The following SLC12A6 variants were observed in gnomAD, a reference collection of about 807,000 sequenced individuals.
SLC12A6 encodes the protein K-Cl cotransporter 3.
In SLC12A6, 66 loss-of-function variants were observed where a neutral mutation model predicts 135.3. That is an observed-to-expected ratio of 0.49 (90% confidence interval 0.40 to 0.60). SLC12A6 has a LOEUF of 0.60. Ranked by LOEUF, SLC12A6 falls within the 20% of genes least tolerant of loss-of-function variation. The probability of loss-of-function intolerance (pLI) is 0.00; values close to 1 mark genes in which losing one functional copy is unlikely to be tolerated. For synonymous variants in SLC12A6, 513 were observed against 508.8 expected (o/e 1.01, Z -0.11); for missense variants, 1,058 against 1,452.3 (o/e 0.73, Z 4.41).
chr15:34,318,610 C>G (rs759132348), intron 2 of SLC12A6: 1 of 1,613,814 alleles, frequency 6.2e-7, no homozygotes, highest in Non-Finnish European at 8.5e-7. Flanking sequence ...CTAAACTAGG[C>G]TCTTGAGAGA....
chr15:34,285,748 T>C (rs1467194652), intron 2 of SLC12A6, among the ~76,000 whole-genome samples: 8 of 35,624 alleles, frequency 2.2e-4, no homozygotes, highest in African/African-American at 4.2e-4. Context: ...ATTCAACCTT[T>C]AAAAAGGAAG....
At chr15:34,242,724 AACTC>A (rs1891725487) in intron 16 of SLC12A6, among the ~76,000 whole-genome samples, 1 of 152,140 alleles carries the variant, frequency 6.6e-6, no homozygotes. Context: ...ATAACTGCAG[AACTC>A]ACTGAGAAAA....
At position 34,317,074 on chromosome 15, in the gene SLC12A6, A is replaced by G. The variant is rs552730266; in HGVS notation, c.271+19336T>C. Among the ~76,000 whole-genome samples, 21 of 152,370 alleles carry G rather than the reference A, an allele frequency of 1.4e-4. No individual in the cohort carries two copies. In the East Asian group the frequency reaches 4.0e-3, roughly 29 times the overall value. ...ACACACAGGCCTGAGACAGAACCTA[A>G]TTGAGCTGAAGTTGAGTTGTAGAGA... On this transcript the variant is annotated intron_variant, in intron 2 of 25. Coordinates refer to ENST00000354181, the MANE Select transcript of SLC12A6 (RefSeq NM_001365088.1).
intron 3 of SLC12A6, among the ~76,000 whole-genome samples, chr15:34,268,751 T>C (rs1408871366): frequency 6.6e-6 from 1 of 152,200 alleles, no homozygotes. Flanking sequence ...TTTAGGATTA[T>C]TCAGAATCCT....
intron 3 of SLC12A6, among the ~76,000 whole-genome samples, chr15:34,270,513 A>T: frequency 6.6e-6 from 1 of 152,192 alleles, no homozygotes; most frequent in Non-Finnish European, 1.5e-5. Context: ...TATAAAGAAA[A>T]GAGGTTTGGC....
chr15:34,253,974 C>T (rs1595437777), intron 9 of SLC12A6, among the ~76,000 whole-genome samples: 1 of 152,166 alleles, frequency 6.6e-6, no homozygotes, highest in African/African-American at 2.4e-5. Context: ...CCCAGCACGT[C>T]GGGAGGCCAA....
intron 2 of SLC12A6, among the ~76,000 whole-genome samples, chr15:34,279,077 G>A (rs1894492881): frequency 6.6e-6 from 1 of 151,874 alleles, no homozygotes; most frequent in South Asian, 2.1e-4. Flanking sequence ...AGCACTTTGG[G>A]AAGCTGAGGC....
chr15:34,257,258 A>G (rs1228529282), intron 6 of SLC12A6, among the ~76,000 whole-genome samples: 1 of 152,200 alleles, frequency 6.6e-6, no homozygotes, highest in Non-Finnish European at 1.5e-5. Context: ...TACCCCTCAC[A>G]TCCGCAATAA....
At chr15:34,258,675 C>G in intron 5 of SLC12A6, 138 bp downstream of exon 5, 1 of 788,552 alleles carries the variant, frequency 1.3e-6, no homozygotes, top group Non-Finnish European at 2.3e-6. Flanking sequence ...TGCTATGACG[C>G]TGGTGCCCAG....
intron 3 of SLC12A6, among the ~76,000 whole-genome samples, chr15:34,275,055 T>C (rs564135960): frequency 7.2e-5 from 11 of 152,338 alleles, no homozygotes; most frequent in African/African-American, 2.6e-4. Context: ...AAAGCTATTA[T>C]AATATCTTCT....
intron 2 of SLC12A6, among the ~76,000 whole-genome samples, chr15:34,300,313 T>G (rs1459331027): frequency 6.6e-6 from 1 of 152,118 alleles, no homozygotes; most frequent in Admixed American, 6.5e-5. Flanking sequence ...AATGGAGGAT[T>G]GAGGTCTTAA....
At chr15:34,292,468 G>A (rs1439632865) in intron 2 of SLC12A6, among the ~76,000 whole-genome samples, 1 of 152,222 alleles carries the variant, frequency 6.6e-6, no homozygotes, top group African/African-American at 2.4e-5. Flanking sequence ...TGAGGAGGCA[G>A]TGTGTCCATT....
chr15:34,270,745 G>A (rs1383614993), intron 3 of SLC12A6, among the ~76,000 whole-genome samples: 1 of 151,658 alleles, frequency 6.6e-6, no homozygotes, highest in Admixed American at 6.6e-5. Flanking sequence ...GGAGGTTGCA[G>A]TAAGCCGAGA....
intron 10 of SLC12A6, among the ~76,000 whole-genome samples, 180 bp downstream of exon 10, chr15:34,251,990 A>G (rs1218252881): frequency 6.6e-6 from 1 of 152,126 alleles, no homozygotes; most frequent in African/African-American, 2.4e-5. Context: ...AGTACTGAAT[A>G]AGGACAGCTT....
At chr15:34,242,409 T>C (rs1009798415) in intron 16 of SLC12A6, among the ~76,000 whole-genome samples, 188 bp from the exon 17 acceptor site, 3 of 152,218 alleles carry the variant, frequency 2.0e-5, no homozygotes, top group African/African-American at 4.8e-5. Flanking sequence ...CTGGATGCTG[T>C]AGCAATGTCA....
chr15:34,324,647 G>C (rs573804508), intron 2 of SLC12A6, among the ~76,000 whole-genome samples: 65 of 152,150 alleles, frequency 4.3e-4, no homozygotes, highest in Admixed American at 1.4e-3. Context: ...TTAGTGAAAA[G>C]ATTGAAACAA....
At chr15:34,277,417 C>G (rs765260542) in intron 2 of SLC12A6, among the ~76,000 whole-genome samples, 1 of 152,094 alleles carries the variant, frequency 6.6e-6, no homozygotes, top group Non-Finnish European at 1.5e-5. Context: ...GCCGGGGTGA[C>G]AGTGAGACCT....
At chr15:34,327,348 G>A (rs1889537850) in intron 2 of SLC12A6, among the ~76,000 whole-genome samples, 1 of 152,222 alleles carries the variant, frequency 6.6e-6, no homozygotes, top group Admixed American at 6.5e-5. Flanking sequence ...TTAGCCAGCT[G>A]TAAAAAAGGC....
At chr15:34,239,244 C>A in intron 19 of SLC12A6, 84 bp from the exon 20 acceptor site, 1 of 1,018,922 alleles carries the variant, frequency 9.8e-7, no homozygotes, top group Non-Finnish European at 1.6e-6. Context: ...TTATATCCCC[C>A]ACCTTTTTCC....
Sources: gnomAD v4.1 joint callset for allele counts (sites outside exome capture counted in the v4.1 genomes callset) on GRCh38, gnomAD v4.1.1 for gene constraint, MANE v1.5 for transcripts, NCBI Gene and HGNC (gene_info 2026-07-23, HGNC 2026-07-21) for gene names.